PRIM2: variants seen among roughly 807,000 people sequenced by gnomAD.
PRIM2 encodes DNA primase large subunit.
PRIM2 carries 39 observed loss-of-function variants against 67.3 expected under a neutral mutation model. The observed-to-expected ratio is 0.58, with a 90% CI of 0.45 to 0.76. PRIM2 has a LOEUF of 0.76. Among genes scored for constraint, PRIM2 ranks in the 30% least tolerant of loss-of-function variants. The pLI, the probability that PRIM2 is intolerant of heterozygous loss-of-function variation, is 0.00. For synonymous variants in PRIM2, 143 were observed against 198.7 expected (o/e 0.72, Z 2.36); for missense variants, 398 against 598.7 (o/e 0.66, Z 3.50).
intron 8 of PRIM2, among the ~76,000 whole-genome samples, chr6:57,531,070 T>C (rs1409704956): frequency 6.6e-6 from 1 of 152,244 alleles, no homozygotes; most frequent in African/African-American, 2.4e-5. Context: ...CAACAGCCTG[T>C]CTACAGAGCA....
intron 10 of PRIM2, among the ~76,000 whole-genome samples, chr6:57,549,919 C>T (rs1309086272): frequency 5.3e-5 from 8 of 152,116 alleles, no homozygotes; most frequent in Non-Finnish European, 5.9e-5. Flanking sequence ...AACCCTGTCT[C>T]TACTAAAAAG....
the PRIM2 span, among the ~76,000 whole-genome samples, chr6:57,269,319 C>T: frequency 1.4e-3 from 213 of 151,938 alleles, no homozygotes; most frequent in Middle Eastern, 0.014. Context: ...TTTTAATGAT[C>T]GCCATTCTAA....
At chr6:57,539,728 T>G (rs1457881307) in intron 10 of PRIM2, among the ~76,000 whole-genome samples, 5 of 151,634 alleles carry the variant, frequency 3.3e-5, no homozygotes, top group African/African-American at 1.2e-4. Flanking sequence ...GCAGGTTGGC[T>G]CATGCCTGTA....
chr6:57,606,344 G>C, intron 11 of PRIM2, 31 bp from the exon 12 acceptor site: 5 of 1,549,512 alleles, frequency 3.2e-6, no homozygotes, highest in Non-Finnish European at 4.4e-6. Flanking sequence ...AAATAACCTT[G>C]TTTGTGTGCT....
At chr6:57,281,686 A>G in the PRIM2 span, among the ~76,000 whole-genome samples, 9,000 of 152,156 alleles carry the variant, frequency 0.059, 612 homozygotes, top group African/African-American at 0.16. Flanking sequence ...CAAAAGTAGC[A>G]TGCTACACAG....
chr6:57,573,638 G>A (rs1461979742), intron 10 of PRIM2, among the ~76,000 whole-genome samples: 11 of 152,126 alleles, frequency 7.2e-5, no homozygotes, highest in African/African-American at 2.7e-4. Context: ...ACGTGTGTGT[G>A]TGTTTCAGGA....
At chr6:57,326,594 G>C (rs576872787) in intron 5 of PRIM2, among the ~76,000 whole-genome samples, 1 of 151,886 alleles carries the variant, frequency 6.6e-6, no homozygotes, top group East Asian at 1.9e-4. Context: ...GGTGCTGCGC[G>C]TCCATAATTC....
intron 12 of PRIM2, among the ~76,000 whole-genome samples, chr6:57,615,527 G>A (rs1299336087): frequency 1.3e-5 from 2 of 151,934 alleles, no homozygotes; most frequent in African/African-American, 2.4e-5. Flanking sequence ...TTTCTATTGT[G>A]GAAAGATGCA....
At chr6:57,484,073 A>G (rs1247767876) in intron 7 of PRIM2, among the ~76,000 whole-genome samples, 2 of 152,200 alleles carry the variant, frequency 1.3e-5, no homozygotes, top group Admixed American at 6.5e-5. Context: ...TAATAATACC[A>G]CATGCTATTT....
At chr6:57,556,693 A>T (rs1232641335) in intron 10 of PRIM2, among the ~76,000 whole-genome samples, 3 of 152,208 alleles carry the variant, frequency 2.0e-5, no homozygotes, top group Non-Finnish European at 4.4e-5. Flanking sequence ...CTAGAAGACA[A>T]CCTAGACAGT....
chr6:57,543,937 G>A (rs1775233380), intron 10 of PRIM2, among the ~76,000 whole-genome samples: 1 of 152,098 alleles, frequency 6.6e-6, no homozygotes, highest in African/African-American at 2.4e-5. Context: ...GTGTTATAAT[G>A]CACATAATTT....
intron 5 of PRIM2, among the ~76,000 whole-genome samples, chr6:57,352,345 A>C (rs924357839): frequency 1.3e-5 from 2 of 151,956 alleles, no homozygotes; most frequent in African/African-American, 4.8e-5. Flanking sequence ...GGTTTAAGCA[A>C]TTCTCCTCCC....
At chr6:57,531,372 C>T (rs1263924004) in intron 8 of PRIM2, among the ~76,000 whole-genome samples, 3 of 152,094 alleles carry the variant, frequency 2.0e-5, no homozygotes, top group African/African-American at 7.2e-5. Flanking sequence ...CTCTGTTGCC[C>T]AGGTGGAATT....
chr6:57,261,176 A>G, the PRIM2 span, among the ~76,000 whole-genome samples: 1 of 152,222 alleles, frequency 6.6e-6, no homozygotes, highest in African/African-American at 2.4e-5. Context: ...AAGAGATTTA[A>G]TACCAGGAGA....
intron 12 of PRIM2, among the ~76,000 whole-genome samples, chr6:57,612,243 G>GA (rs1776680415): frequency 1.3e-5 from 2 of 152,096 alleles, no homozygotes; most frequent in South Asian, 4.1e-4. Flanking sequence ...AATATTTATA[G>GA]AATTGAAATA....
Position 57,642,207 on chromosome 6 carries a change from A to G in PRIM2, c.1300-3721A>G, listed in dbSNP as rs1562809155. ...AGAACACATGGACACAGGGAGGGAA[A>G]TATCACACACCAGGGCCTGTTTGGG... On this transcript the variant is annotated intron_variant, in intron 13 of 13. Transcript: ENST00000615550. 2.6e-5 allele frequency among the ~76,000 whole-genome samples: 4 copies of G among 152,026 alleles called. No homozygotes were observed. The South Asian group carries it at 6.3e-4, about 24-fold the overall frequency.
chr6:57,517,691 C>T (rs1205189794), intron 8 of PRIM2, among the ~76,000 whole-genome samples: 1 of 151,814 alleles, frequency 6.6e-6, no homozygotes, highest in Admixed American at 6.6e-5. Context: ...CTGAGGTAGC[C>T]CTGGAAAAGC....
At chr6:57,261,759 C>T in the PRIM2 span, among the ~76,000 whole-genome samples, 1 of 152,156 alleles carries the variant, frequency 6.6e-6, no homozygotes, top group African/African-American at 2.4e-5. Context: ...TTCCCCATTC[C>T]CTCCCTGCTT....
chr6:57,451,687 A>G (rs1453223201), intron 7 of PRIM2, among the ~76,000 whole-genome samples: 1 of 151,994 alleles, frequency 6.6e-6, no homozygotes, highest in Non-Finnish European at 1.5e-5. Context: ...GAATTTATCC[A>G]TAGGCCACGT....
Sources: gnomAD v4.1 joint callset for allele counts (sites outside exome capture counted in the v4.1 genomes callset) on GRCh38, gnomAD v4.1.1 for gene constraint, MANE v1.5 for transcripts, NCBI Gene and HGNC (gene_info 2026-07-23, HGNC 2026-07-21) for gene names.